The following MEOX2 variants were observed in gnomAD, a reference collection of about 807,000 sequenced individuals.
MEOX2 encodes mesenchyme homeobox 2.
In MEOX2, 11 loss-of-function variants were observed where a neutral mutation model predicts 27.0. That is an observed-to-expected ratio of 0.41 (90% confidence interval 0.26 to 0.68). The LOEUF (loss-of-function observed/expected upper bound fraction) is 0.68. Ranked by LOEUF, MEOX2 falls within the 30% of genes least tolerant of loss-of-function variation. The probability of loss-of-function intolerance (pLI) is 0.33; values close to 1 mark genes in which losing one functional copy is unlikely to be tolerated. For synonymous variants in MEOX2, 189 were observed against 155.4 expected, an observed-to-expected ratio of 1.22 and a Z score of -1.61; for missense variants, 436 against 385.4, an observed-to-expected ratio of 1.13 and a Z score of -1.10.
At chr7:15,661,076 T>G (rs1267804880) in intron 1 of MEOX2, among the ~76,000 whole-genome samples, 1 of 138,660 alleles carries the variant, frequency 7.2e-6, no homozygotes, top group African/African-American at 2.7e-5. Context: ...TAGGATACAC[T>G]GAAGAGGGGT....
At chr7:15,673,696 T>TGA (rs1290769641) in intron 1 of MEOX2, among the ~76,000 whole-genome samples, 1 of 150,938 alleles carries the variant, frequency 6.6e-6, no homozygotes, top group African/African-American at 2.4e-5. Context: ...CCGATTAAGA[T>TGA]GAGAGATTGT....
In MEOX2 at chr7:15,639,672, T is replaced by C. The variant is rs188583241; in HGVS notation, c.518-12754A>G. 3.7e-3 allele frequency among the ~76,000 whole-genome samples: 568 copies of C among 152,296 alleles called. 5 individuals carry two copies. The highest frequency in any genetic ancestry group is 0.013 in the African/African-American group (544 of 41,562). ...GAGAGATAAGGTTCCAGTTTCATTC[T>C]TCTGCATGTAGCTAGCCAGTTTTCC... On this transcript the variant is annotated intron_variant, in intron 1 of 2. Transcript: ENST00000262041.
intron 1 of MEOX2, among the ~76,000 whole-genome samples, chr7:15,661,007 A>T (rs1477493986): frequency 2.9e-4 from 29 of 100,794 alleles, no homozygotes; most frequent in Non-Finnish European, 4.5e-4. Flanking sequence ...AGCGAGACTC[A>T]GTCTCAAAAA....
At chr7:15,666,266 T>G (rs1354453837) in intron 1 of MEOX2, among the ~76,000 whole-genome samples, 2 of 152,162 alleles carry the variant, frequency 1.3e-5, no homozygotes, top group Non-Finnish European at 2.9e-5. Context: ...TAATCCTCCC[T>G]TACCTTATCA....
At chr7:15,619,261 T>C (rs961913697) in intron 2 of MEOX2, among the ~76,000 whole-genome samples, 9 of 152,022 alleles carry the variant, frequency 5.9e-5, no homozygotes, top group African/African-American at 2.2e-4. Context: ...ATAAAACTTA[T>C]GGATGCAAGA....
At chr7:15,620,140 C>T (rs1178780164) in intron 2 of MEOX2, among the ~76,000 whole-genome samples, 1 of 152,016 alleles carries the variant, frequency 6.6e-6, no homozygotes, top group Non-Finnish European at 1.5e-5. Context: ...CTCTTTTACC[C>T]TTTACTCTCC....
intron 1 of MEOX2, among the ~76,000 whole-genome samples, chr7:15,655,475 T>G (rs2115379826): frequency 6.6e-6 from 1 of 151,890 alleles, no homozygotes; most frequent in East Asian, 1.9e-4. Context: ...ACAATTGTTC[T>G]GAAACCTTTT....
At chr7:15,616,268 C>G (rs1347512362) in intron 2 of MEOX2, among the ~76,000 whole-genome samples, 1 of 151,344 alleles carries the variant, frequency 6.6e-6, no homozygotes, top group Non-Finnish European at 1.5e-5. Flanking sequence ...AAAATTGCAA[C>G]AAATACATAA....
At chr7:15,677,886 C>A (rs1782226424) in intron 1 of MEOX2, among the ~76,000 whole-genome samples, 1 of 152,136 alleles carries the variant, frequency 6.6e-6, no homozygotes, top group African/African-American at 2.4e-5. Flanking sequence ...GCTAAATATG[C>A]AAAAGTGTTG....
chr7:15,681,968 T>A (rs1298221222), intron 1 of MEOX2: 1 of 151,786 alleles, frequency 6.6e-6, no homozygotes, highest in African/African-American at 2.4e-5. Context: ...CAATAAAGCA[T>A]TTTAATTCTA....
chr7:15,648,140 GACAAGCTTT>G (rs1331221119), intron 1 of MEOX2, among the ~76,000 whole-genome samples: 2 of 151,742 alleles, frequency 1.3e-5, no homozygotes, highest in African/African-American at 4.8e-5. Context: ...ATCAAAAATA[GACAAGCTTT>G]ACGTGTTTTA....
At chr7:15,664,388 G>C (rs948206518) in intron 1 of MEOX2, among the ~76,000 whole-genome samples, 2 of 151,946 alleles carry the variant, frequency 1.3e-5, no homozygotes, top group African/African-American at 4.8e-5. Flanking sequence ...GAGAATATAT[G>C]TGCAGTTACT....
intron 1 of MEOX2, among the ~76,000 whole-genome samples, chr7:15,667,289 CAAAAAAA>C (rs532691969): frequency 2.7e-4 from 11 of 40,978 alleles, no homozygotes; most frequent in African/African-American, 3.0e-4. Flanking sequence ...GACTCTGTCT[CAAAAAAA>C]AAAAAAAAAA....
chr7:15,678,859 C>T (rs150074329), intron 1 of MEOX2: 1 of 152,130 alleles, frequency 6.6e-6, no homozygotes, highest in East Asian at 1.9e-4. Flanking sequence ...TCACCTTAGT[C>T]ATTTTCTTGC....
intron 1 of MEOX2, among the ~76,000 whole-genome samples, chr7:15,664,050 T>G (rs2115385783): frequency 6.6e-6 from 1 of 152,330 alleles, no homozygotes; most frequent in Admixed American, 6.5e-5. Context: ...GTTTTGTTTT[T>G]GTTTTTATTT....
intron 1 of MEOX2, among the ~76,000 whole-genome samples, chr7:15,637,208 AGTAT>A (rs1346968077): frequency 1.3e-5 from 2 of 152,096 alleles, no homozygotes; most frequent in African/African-American, 4.8e-5. Context: ...CTGCCAAGAT[AGTAT>A]ATAATGATAC....
At chr7:15,629,294 C>A (rs1052761271) in intron 1 of MEOX2, among the ~76,000 whole-genome samples, 1 of 151,990 alleles carries the variant, frequency 6.6e-6, no homozygotes, top group African/African-American at 2.4e-5. Context: ...GAAGGACACT[C>A]ACAGGTAATG....
intron 2 of MEOX2, among the ~76,000 whole-genome samples, chr7:15,614,202 GATAAAATAAA>G (rs60984021): frequency 0.11 from 15,678 of 141,214 alleles, 1,015 homozygotes; most frequent in Middle Eastern, 0.17. Flanking sequence ...CAAATAAATA[GATAAAATAAA>G]ATAAAATAAA....
chr7:15,679,800 G>T (rs780970554), intron 1 of MEOX2: 2 of 151,604 alleles, frequency 1.3e-5, no homozygotes, highest in East Asian at 3.9e-4. Context: ...TTTTTGAAAG[G>T]GTTTTTCTAT....
Sources: gnomAD v4.1 joint callset for allele counts (sites outside exome capture counted in the v4.1 genomes callset) on GRCh38, gnomAD v4.1.1 for gene constraint, MANE v1.5 for transcripts, NCBI Gene and HGNC (gene_info 2026-07-23, HGNC 2026-07-21) for gene names.